ANO3: variants seen among roughly 807,000 people sequenced by gnomAD.
The protein encoded by ANO3 is anoctamin-3.
In ANO3, 99 loss-of-function variants were observed where a neutral mutation model predicts 144.8. That is an observed-to-expected ratio of 0.68 (90% CI 0.58 to 0.81). ANO3 has a LOEUF of 0.81. Among genes scored for constraint, ANO3 ranks in the 30% least tolerant of loss-of-function variants. The probability of loss-of-function intolerance (pLI) is 0.00; values close to 1 mark genes in which losing one functional copy is unlikely to be tolerated. For missense variants in ANO3, 905 were observed against 1,202.2 expected (o/e 0.75, Z 3.66); for synonymous variants, 414 against 392.6 (o/e 1.05, Z -0.64).
chr11:26,281,617 A>G (rs1026848431), intron 1 of ANO3, among the ~76,000 whole-genome samples: 1 of 152,200 alleles, frequency 6.6e-6, no homozygotes, highest in African/African-American at 2.4e-5. Context: ...TCAGCAAAAC[A>G]TTTTTATTCT....
chr11:26,197,706 T>C (rs1486208458), intron 1 of ANO3, among the ~76,000 whole-genome samples: 1 of 152,146 alleles, frequency 6.6e-6, no homozygotes, highest in East Asian at 1.9e-4. Context: ...TAGAAACGTC[T>C]CTTCCAGGGT....
chr11:26,244,116 GAAA>G (rs755726181), intron 1 of ANO3, among the ~76,000 whole-genome samples: 2 of 94,692 alleles, frequency 2.1e-5, no homozygotes, highest in Admixed American at 1.2e-4. Flanking sequence ...GACTCTGTCT[GAAA>G]AAAAAAAAAA....
chr11:26,430,374 C>G (rs1023304950), intron 1 of ANO3, among the ~76,000 whole-genome samples: 1 of 151,718 alleles, frequency 6.6e-6, no homozygotes, highest in Non-Finnish European at 1.5e-5. Context: ...GATCTTCTAC[C>G]TTGAAATAAA....
chr11:26,391,730 C>T (rs1193039160), intron 1 of ANO3, among the ~76,000 whole-genome samples: 1 of 151,980 alleles, frequency 6.6e-6, no homozygotes, highest in African/African-American at 2.4e-5. Context: ...CTCCTGGCTA[C>T]TTGTGGTCCA....
intron 1 of ANO3, among the ~76,000 whole-genome samples, chr11:26,258,145 G>GTA (rs1229980108): frequency 5.9e-5 from 9 of 151,952 alleles, no homozygotes; most frequent in African/African-American, 2.2e-4. Context: ...TAAAATTGAG[G>GTA]TATTCTCATT....
intron 1 of ANO3, among the ~76,000 whole-genome samples, chr11:26,322,912 C>A (rs1164060393): frequency 2.0e-5 from 3 of 152,020 alleles, no homozygotes; most frequent in Admixed American, 6.6e-5. Context: ...GGACATTTGT[C>A]TTTTCTTCCC....
At chr11:26,252,264 C>G (rs1852945469) in intron 1 of ANO3, among the ~76,000 whole-genome samples, 1 of 152,194 alleles carries the variant, frequency 6.6e-6, no homozygotes, top group Non-Finnish European at 1.5e-5. Flanking sequence ...ACAAACGCAT[C>G]ATAAGAAAAG....
chr11:26,479,303 C>A (rs1415102513), intron 4 of ANO3, among the ~76,000 whole-genome samples: 2 of 152,160 alleles, frequency 1.3e-5, no homozygotes, highest in Non-Finnish European at 2.9e-5. Flanking sequence ...CTACAGTATA[C>A]TGTTGAATAA....
intron 4 of ANO3, among the ~76,000 whole-genome samples, chr11:26,506,518 C>A (rs917745630): frequency 6.6e-6 from 1 of 152,166 alleles, no homozygotes; most frequent in Non-Finnish European, 1.5e-5. Flanking sequence ...TATGGAACTA[C>A]AAGGCCCTGG....
rs549486727 is a variant in ANO3 at position 26,583,256 on chromosome 11, G to A, written c.1448-15109G>A. On this transcript the variant is annotated intron_variant, in intron 14 of 26. Coordinates refer to ENST00000256737, the MANE Select transcript of ANO3 (RefSeq NM_031418.4). ...TATTTCTTCAAGAAATTTGCAAGGC[G>A]GGGGAAAGATGTCAAGTCTGATTTC... 3.3e-4 allele frequency among the ~76,000 whole-genome samples: 51 copies of A among 152,244 alleles called. 1 individual carries two copies. Among genetic ancestry groups the A allele is most frequent in the Middle Eastern group, 6.8e-3 (2 of 294 alleles).
intron 14 of ANO3, chr11:26,561,049 C>T: frequency 6.3e-7 from 1 of 1,599,176 alleles, no homozygotes; most frequent in Non-Finnish European, 8.5e-7. Flanking sequence ...TGTTTAACGC[C>T]TTTTTGCTGT....
intron 13 of ANO3, 172 bp from the exon 14 acceptor site, chr11:26,559,547 T>C: frequency 1.7e-6 from 1 of 572,398 alleles, no homozygotes; most frequent in Non-Finnish European, 3.1e-6. Context: ...ATGAGAAAAA[T>C]CATGTGAAAT....
rs181945984 is a variant in ANO3 at position 26,345,362 on chromosome 11, C to T, written c.46+13041C>T. ...CTGAGGTCAGGAGTTCAAGACCAGC[C>T]TGGCCAACATGGTGAAACACCATCT... is the stretch of plus-strand genomic sequence containing the variant. On this transcript the variant is annotated intron_variant, in intron 1 of 26. Coordinates refer to ENST00000256737, the MANE Select transcript of ANO3 (RefSeq NM_031418.4). Among the ~76,000 whole-genome samples the T allele has an allele frequency of 2.6e-3, 389 of 152,288 alleles. 2 individuals carry two copies. The highest frequency in any genetic ancestry group is 2.7e-3 in the Non-Finnish European group (186 of 68,038).
intron 14 of ANO3, 83 bp downstream of exon 14, chr11:26,559,862 A>C (rs1223258950): frequency 1.1e-6 from 1 of 915,032 alleles, no homozygotes; most frequent in African/African-American, 1.6e-5. Flanking sequence ...ACACACACAC[A>C]CACACACACA....
At chr11:26,565,045 A>C in intron 14 of ANO3, 1 of 1,006,136 alleles carries the variant, frequency 9.9e-7, no homozygotes, top group South Asian at 2.6e-5. Flanking sequence ...AAGTGAGAAA[A>C]TCCATGCTAT....
intron 1 of ANO3, among the ~76,000 whole-genome samples, chr11:26,315,651 A>G (rs370329918): frequency 1.9e-4 from 26 of 140,382 alleles, no homozygotes; most frequent in East Asian, 6.1e-4. Context: ...GGACCTATCT[A>G]TCTGTCTGTC....
intron 4 of ANO3, among the ~76,000 whole-genome samples, chr11:26,486,474 G>A (rs1408696546): frequency 2.6e-5 from 4 of 151,378 alleles, no homozygotes; most frequent in Non-Finnish European, 4.4e-5. Context: ...TATTTGTGAT[G>A]TGACTACATT....
At chr11:26,196,936 C>T (rs779207346) in intron 1 of ANO3, among the ~76,000 whole-genome samples, 71 of 152,126 alleles carry the variant, frequency 4.7e-4, no homozygotes, top group Admixed American at 9.8e-4. Context: ...GAGAATAAAA[C>T]ATAGCCCCTG....
chr11:26,332,435 C>T, intron 1 of ANO3, 114 bp downstream of exon 1: 2 of 866,990 alleles, frequency 2.3e-6, no homozygotes, highest in South Asian at 1.6e-5. Context: ...GTGGGGAACT[C>T]TGTGAAGTTA....
Sources: gnomAD v4.1 joint callset for allele counts (sites outside exome capture counted in the v4.1 genomes callset) on GRCh38, gnomAD v4.1.1 for gene constraint, MANE v1.5 for transcripts, NCBI Gene and HGNC (gene_info 2026-07-23, HGNC 2026-07-21) for gene names.